XKR3: variants seen among roughly 807,000 people sequenced by gnomAD.
The protein encoded by XKR3 is XK related 3.
XKR3 carries 27 observed loss-of-function variants against 40.3 expected under a neutral mutation model. The observed-to-expected ratio is 0.67, with a 90% CI of 0.49 to 0.92. XKR3 has a LOEUF of 0.92. XKR3 is among the 40% of genes least tolerant of loss of function. The probability of loss-of-function intolerance (pLI) is 0.00; values close to 1 mark genes in which losing one functional copy is unlikely to be tolerated. For missense variants in XKR3, 472 were observed against 537.6 expected, an observed-to-expected ratio of 0.88 and a Z score of 1.21; for synonymous variants, 193 against 195.4, an observed-to-expected ratio of 0.99 and a Z score of 0.10.
Position 16,797,792 on chromosome 22 carries a change from CAAA to C in XKR3, c.589+1976_589+1978del, listed in dbSNP as rs558060655. Among the ~76,000 whole-genome samples the C allele has an allele frequency of 2.4e-4, 21 of 88,004 alleles. 1 individual carries two copies. Among genetic ancestry groups the C allele is most frequent in the Admixed American group, 2.4e-4 (2 of 8,420 alleles). 57.7% of individuals were successfully genotyped at this position (88,004 alleles called of 152,430 possible). A position where few individuals can be genotyped will look rare whatever the true frequency, so the allele number is the denominator to read the frequency against. On this transcript the variant is annotated intron_variant, in intron 3 of 3. Coordinates refer to ENST00000684488, the MANE Select transcript of XKR3 (RefSeq NM_001386955.1). Reference sequence around the variant, plus strand: ...TGGGCGACAGAGTGAGACTCTGTCTCAAAAAAAAAAAAAAAAATAGGTAAAAGA... The same window carrying C: ...TGGGCGACAGAGTGAGACTCTGTCTCAAAAAAAAAAAAAATAGGTAAAAGA...
intron 3 of XKR3, among the ~76,000 whole-genome samples, chr22:16,799,050 G>C (rs1203424810): frequency 1.3e-5 from 2 of 151,998 alleles, no homozygotes; most frequent in Non-Finnish European, 2.9e-5. Context: ...CTATTTGCCT[G>C]GTGACTTTTA....
At chr22:16,824,239 G>A (rs1362310228) in intron 1 of XKR3, among the ~76,000 whole-genome samples, 2 of 152,060 alleles carry the variant, frequency 1.3e-5, no homozygotes, top group Admixed American at 1.3e-4. Context: ...TTCCACCTAC[G>A]AGGAACGGGC....
intron 1 of XKR3, among the ~76,000 whole-genome samples, chr22:16,823,049 A>T (rs1484217997): frequency 6.6e-6 from 1 of 151,978 alleles, no homozygotes; most frequent in Non-Finnish European, 1.5e-5. Flanking sequence ...ATGTACACTA[A>T]TTTTTGTGTT....
intron 1 of XKR3, among the ~76,000 whole-genome samples, chr22:16,818,503 C>T (rs1279806119): frequency 6.6e-6 from 1 of 152,058 alleles, no homozygotes; most frequent in Non-Finnish European, 1.5e-5. Flanking sequence ...CTCTCGCAGC[C>T]CAAGGACCAG....
chr22:16,799,097 T>G (rs950626837), intron 3 of XKR3, among the ~76,000 whole-genome samples: 2 of 152,180 alleles, frequency 1.3e-5, no homozygotes, highest in African/African-American at 4.8e-5. Flanking sequence ...CTCACTTTCA[T>G]GCAGTTTCGA....
At chr22:16,824,218 G>A (rs931955626) in intron 1 of XKR3, among the ~76,000 whole-genome samples, 2 of 152,112 alleles carry the variant, frequency 1.3e-5, no homozygotes, top group Non-Finnish European at 2.9e-5. Context: ...AGAGTACAAT[G>A]AAGTACCCAT....
At chr22:16,824,296 C>T (rs1224070976) in intron 1 of XKR3, among the ~76,000 whole-genome samples, 1 of 151,020 alleles carries the variant, frequency 6.6e-6, no homozygotes, top group African/African-American at 2.4e-5. Flanking sequence ...AATTACTTAT[C>T]TAGAGGCACC....
intron 2 of XKR3, among the ~76,000 whole-genome samples, chr22:16,806,231 C>T (rs550525328): frequency 7.3e-6 from 1 of 137,794 alleles, no homozygotes; most frequent in Admixed American, 7.8e-5. Flanking sequence ...TGCACTCCAG[C>T]CTCGGTGAAA....
chr22:16,793,152 A>AC, intron 3 of XKR3, among the ~76,000 whole-genome samples: 1 of 152,252 alleles, frequency 6.6e-6, no homozygotes, highest in Non-Finnish European at 1.5e-5. Flanking sequence ...AGCTGGGATT[A>AC]CAGGCATGCT....
At chr22:16,789,468 G>A (rs2060104671) in intron 3 of XKR3, among the ~76,000 whole-genome samples, 1 of 151,986 alleles carries the variant, frequency 6.6e-6, no homozygotes, top group African/African-American at 2.4e-5. Context: ...TTTTACCAAG[G>A]AGGTAGAAAA....
chr22:16,795,975 AG>A (rs148737601), intron 3 of XKR3, among the ~76,000 whole-genome samples: 29,994 of 151,870 alleles, frequency 0.2, 3,647 homozygotes, highest in Middle Eastern at 0.3. Flanking sequence ...TCAAAAAAAA[AG>A]GGACCAGAAA....
intron 1 of XKR3, among the ~76,000 whole-genome samples, chr22:16,815,006 G>A (rs1357706121): frequency 1.3e-5 from 2 of 151,670 alleles, no homozygotes; most frequent in African/African-American, 4.8e-5. Flanking sequence ...AAAGAGAAGT[G>A]GCAGCAGTGG....
intron 2 of XKR3, among the ~76,000 whole-genome samples, chr22:16,803,417 C>T (rs2060177358): frequency 6.6e-6 from 1 of 152,166 alleles, no homozygotes; most frequent in Non-Finnish European, 1.5e-5. Flanking sequence ...GGCATGTGAA[C>T]TAGAGCAACT....
chr22:16,809,562 A>G (rs112041735), intron 1 of XKR3, among the ~76,000 whole-genome samples: 6 of 152,292 alleles, frequency 3.9e-5, no homozygotes, highest in African/African-American at 1.4e-4. Flanking sequence ...GTGGTTTCTC[A>G]AAAGTCATCA....
chr22:16,795,844 G>A (rs2060138127), intron 3 of XKR3, among the ~76,000 whole-genome samples: 1 of 152,074 alleles, frequency 6.6e-6, no homozygotes. Context: ...GTACATGCCT[G>A]TAATCCCAGC....
intron 3 of XKR3, among the ~76,000 whole-genome samples, chr22:16,798,486 G>C (rs574965820): frequency 6.6e-6 from 1 of 152,238 alleles, no homozygotes; most frequent in Non-Finnish European, 1.5e-5. Context: ...GTACCCAAAG[G>C]AATATAAATC....
rs1410963847 is a variant in XKR3, at chr22:16,807,971, A to G, written c.103T>C (p.Phe35Leu). The change falls in exon 2 of 4, where the codon TTT (phenylalanine) becomes CTT (leucine). Residue 35 changes from phenylalanine (F) to leucine (L), a missense_variant. By Grantham distance (22) the Phe-to-Leu change is conservative (BLOSUM62 0). Transcript: ENST00000684488. Reference protein sequence around the residue: ...LGQRLHLSFPFSIIFSTVLYC... With the variant: ...LGQRLHLSFPLSIIFSTVLYC... ...AGAACAGTTGAGAAGATAATGCTAA[A>G]AGGAAAGCTTAGATGGAGTCTCTGG... 1.2e-6 allele frequency: 2 copies of G among 1,614,026 alleles called. No individual in the cohort carries two copies. The highest frequency in any genetic ancestry group is 3.3e-5 in the Admixed American group (2 of 60,030).
At chr22:16,815,072 G>A (rs1162572812) in intron 1 of XKR3, among the ~76,000 whole-genome samples, 5 of 151,974 alleles carry the variant, frequency 3.3e-5, no homozygotes, top group Non-Finnish European at 7.4e-5. Context: ...TTTGCATTAA[G>A]TTTCATGTTA....
At chr22:16,806,247 T>A (rs2060188715) in intron 2 of XKR3, among the ~76,000 whole-genome samples, 1 of 137,648 alleles carries the variant, frequency 7.3e-6, no homozygotes, top group African/African-American at 2.6e-5. Context: ...TGAAAAAGAA[T>A]GATAGTTCAT....
Sources: gnomAD v4.1 joint callset for allele counts (sites outside exome capture counted in the v4.1 genomes callset) on GRCh38, gnomAD v4.1.1 for gene constraint, MANE v1.5 for transcripts, NCBI Gene and HGNC (gene_info 2026-07-23, HGNC 2026-07-21) for gene names.